TBC1D32: variants seen among roughly 807,000 people sequenced by gnomAD.
TBC1D32 encodes protein broad-minded.
In TBC1D32, 151 loss-of-function variants were observed where a neutral mutation model predicts 170.3. The ratio of observed to expected loss-of-function variants is 0.89; its 90% CI spans 0.78 to 1.01. TBC1D32 has a LOEUF of 1.01. Among genes scored for constraint, TBC1D32 ranks in the 50% least tolerant of loss-of-function variants. TBC1D32 has a pLI of 0.00. For synonymous variants in TBC1D32, 498 were observed against 488.0 expected, an observed-to-expected ratio of 1.02 and a Z score of -0.27; for missense variants, 1,464 against 1,457.1, an observed-to-expected ratio of 1.00 and a Z score of -0.08.
intron 16 of TBC1D32, 37 bp downstream of exon 16, chr6:121,256,047 T>C: frequency 9.7e-6 from 15 of 1,545,460 alleles, no homozygotes; most frequent in Non-Finnish European, 1.3e-5. Context: ...GAAATAAAGA[T>C]TTGCAGGGAG....
intron 31 of TBC1D32, among the ~76,000 whole-genome samples, chr6:121,086,275 TCACA>T (rs1193086601): frequency 6.6e-6 from 1 of 152,096 alleles, no homozygotes; most frequent in Non-Finnish European, 1.5e-5. Context: ...GTACTCGAGC[TCACA>T]CAGTGAGTGG....
chr6:121,266,158 T>C (rs183059321), intron 15 of TBC1D32, among the ~76,000 whole-genome samples: 4 of 152,086 alleles, frequency 2.6e-5, no homozygotes, highest in Admixed American at 2.6e-4. Flanking sequence ...GGGAGAAAAT[T>C]TTTGCAATGT....
intron 20 of TBC1D32, among the ~76,000 whole-genome samples, chr6:121,227,449 A>G (rs1795213456): frequency 6.6e-6 from 1 of 152,304 alleles, no homozygotes; most frequent in East Asian, 1.9e-4. Context: ...ACCATTAAAT[A>G]TGATACAAAC....
At chr6:121,272,700 G>A (rs1474486219) in intron 15 of TBC1D32, among the ~76,000 whole-genome samples, 1 of 152,210 alleles carries the variant, frequency 6.6e-6, no homozygotes, top group African/African-American at 2.4e-5. Flanking sequence ...AGACAGTGTG[G>A]CAATTCATCA....
In TBC1D32 at chr6:121,112,574, G is replaced by T. The variant is rs374536754; in HGVS notation, c.3255C>A (p.Phe1085Leu). 2 of 1,610,916 alleles carry T rather than the reference G, an allele frequency of 1.2e-6. No homozygotes were observed. Among genetic ancestry groups the T allele is most frequent in the African/African-American group, 1.3e-5 (1 of 74,820 alleles). ...GCCTGGAGAATTGATGAAGAAATTG[G>T]AATGTTTTTTCTTTGTCTCCCAACA... ...MIMLGDKEKT[F>L]QFLHQFSRLL... The change falls in exon 29 of 32, where the codon TTC (phenylalanine) becomes TTA (leucine). Residue 1085 changes from phenylalanine (F) to leucine (L), a missense_variant. This residue lies in a region of TBC1D32 where 1,363 missense variants were observed against 1,338.1 expected (regional missense o/e 1.02). Transcript: ENST00000398212.
At chr6:121,221,927 G>A (rs952377217) in intron 21 of TBC1D32, among the ~76,000 whole-genome samples, 9 of 152,174 alleles carry the variant, frequency 5.9e-5, no homozygotes, top group Admixed American at 2.6e-4. Flanking sequence ...GTTCTACTGT[G>A]GGTAAAATGC....
At chr6:121,094,352 AG>A (rs1167119317) in intron 30 of TBC1D32, among the ~76,000 whole-genome samples, 3 of 152,034 alleles carry the variant, frequency 2.0e-5, no homozygotes, top group African/African-American at 7.2e-5. Context: ...CTTTTAGTAG[AG>A]ACAGGGTTTC....
chr6:121,257,703 A>C (rs1799222854), intron 15 of TBC1D32, among the ~76,000 whole-genome samples: 1 of 152,088 alleles, frequency 6.6e-6, no homozygotes, highest in African/African-American at 2.4e-5. Context: ...TTTCTGTTTT[A>C]GTGCCTTTTC....
At chr6:121,094,712 C>T (rs968545696) in intron 30 of TBC1D32, among the ~76,000 whole-genome samples, 1 of 152,062 alleles carries the variant, frequency 6.6e-6, no homozygotes, top group Non-Finnish European at 1.5e-5. Context: ...TCCTCCATCC[C>T]TTTCTCCTAC....
intron 30 of TBC1D32, among the ~76,000 whole-genome samples, chr6:121,097,657 T>A (rs947971519): frequency 1.3e-5 from 2 of 152,058 alleles, no homozygotes; most frequent in African/African-American, 4.8e-5. Context: ...GATCTAGAAC[T>A]AGAAATACCA....
intron 17 of TBC1D32, among the ~76,000 whole-genome samples, chr6:121,248,275 T>G (rs1224088329): frequency 6.6e-6 from 1 of 152,050 alleles, no homozygotes; most frequent in Non-Finnish European, 1.5e-5. Context: ...TAAATGATAA[T>G]AGTGACACAA....
chr6:121,279,292 T>G (rs754246788), intron 14 of TBC1D32, 47 bp from the exon 15 acceptor site: 33 of 1,580,046 alleles, frequency 2.1e-5, no homozygotes, highest in Non-Finnish European at 2.5e-5. Flanking sequence ...TTTTATGACA[T>G]GCTAACATAT....
chr6:121,317,639 A>C lies in TBC1D32; in HGVS notation c.351T>G (p.Ile117Met), dbSNP rs537789219. The C allele has an allele frequency of 1.9e-5, 30 of 1,610,510 alleles. No individual in the cohort carries two copies. The South Asian group carries it at 2.8e-4, about 15-fold the overall frequency. The part of the protein sequence containing the change: ...YKEMMHYLKN[I>M]MIAVVESMIN... ...TCATAGACTCGACCACAGCTATCAT[A>C]ATGTTCTTCAGGTAATGCATCATTT... is the stretch of plus-strand genomic sequence containing the variant. The change falls in exon 3 of 32, where the codon ATT (isoleucine) becomes ATG (methionine). Residue 117 changes from isoleucine (I) to methionine (M), a missense_variant. By Grantham distance (10) the Ile-to-Met change is conservative. Transcript: ENST00000398212.
chr6:121,145,781 A>G (rs1489698598), intron 24 of TBC1D32, among the ~76,000 whole-genome samples: 1 of 152,184 alleles, frequency 6.6e-6, no homozygotes, highest in Admixed American at 6.5e-5. Flanking sequence ...AATCAGGTTC[A>G]CTCAGGAGAC....
chr6:121,306,444 C>T (rs925033351), intron 5 of TBC1D32, among the ~76,000 whole-genome samples: 3 of 152,050 alleles, frequency 2.0e-5, no homozygotes, highest in Non-Finnish European at 4.4e-5. Context: ...ATGGTGTGTT[C>T]CCAGTGTCTA....
chr6:121,255,297 T>A, intron 17 of TBC1D32, 31 bp downstream of exon 17: 1 of 1,310,166 alleles, frequency 7.6e-7, no homozygotes, highest in Non-Finnish European at 1.1e-6. Context: ...GCAAATATAA[T>A]AAATGCATGA....
rs117094415 is a variant in TBC1D32 at position 121,310,662 on chromosome 6, C to T, written c.564+117G>A. 59 of 696,370 alleles carry T rather than the reference C, an allele frequency of 8.5e-5. No individual in the cohort carries two copies. In the East Asian group the frequency reaches 1.6e-3, roughly 19 times the overall value. The allele number at this position is 696,370 out of a possible 1,614,324, so 43.1% of individuals were successfully genotyped here. A position where few individuals can be genotyped will look rare whatever the true frequency, so the allele number is the denominator to read the frequency against. On this transcript the variant is annotated intron_variant, in intron 4 of 31. Coordinates refer to ENST00000398212, the MANE Select transcript of TBC1D32 (RefSeq NM_152730.6). The stretch of plus-strand genomic sequence containing the variant: ...TACCAGGGATATCAGTCCAGGATTG[C>T]CCATAATCATAAAGGCTTAGCCTCA...
At chr6:121,334,158 T>C in intron 1 of TBC1D32, 118 bp downstream of exon 1, 4 of 787,706 alleles carry the variant, frequency 5.1e-6, no homozygotes, top group Non-Finnish European at 5.9e-6. Flanking sequence ...AGAGAAAAAG[T>C]AAACCTCCAA....
intron 20 of TBC1D32, among the ~76,000 whole-genome samples, chr6:121,225,777 C>T (rs1344610786): frequency 2.0e-5 from 3 of 152,056 alleles, no homozygotes; most frequent in Non-Finnish European, 4.4e-5. Flanking sequence ...ATTTCTCACA[C>T]ATCGGGCATT....
Sources: allele counts gnomAD v4.1 joint callset (sites outside exome capture counted in the v4.1 genomes callset), GRCh38; gene constraint gnomAD v4.1.1; regional missense constraint gnomAD v4.1.1; transcripts MANE v1.5; gene names NCBI Gene and HGNC (gene_info 2026-07-23, HGNC 2026-07-21).